Variants in RNLS observed in about 807,000 individuals in gnomAD.
RNLS encodes the protein renalase.
In RNLS, 39 loss-of-function variants were observed where a neutral mutation model predicts 39.8. That is an observed-to-expected ratio of 0.98 (90% CI 0.76 to 1.28). The LOEUF is 1.28. Among genes scored for constraint, RNLS ranks in the 50% most tolerant of loss-of-function variants. The pLI is 0.00. For missense variants in RNLS, 410 were observed against 413.3 expected, an observed-to-expected ratio of 0.99 and a Z score of 0.07; for synonymous variants, 147 against 150.7, an observed-to-expected ratio of 0.98 and a Z score of 0.18.
chr10:88,451,108 G>A (rs1050331819), intron 4 of RNLS, among the ~76,000 whole-genome samples: 10 of 152,188 alleles, frequency 6.6e-5, no homozygotes, highest in South Asian at 6.2e-4. Flanking sequence ...GAAGGTCCTT[G>A]GGTGCAAAGA....
At chr10:88,238,149 A>G in the RNLS span, among the ~76,000 whole-genome samples, 1 of 152,376 alleles carries the variant, frequency 6.6e-6, no homozygotes, top group East Asian at 1.9e-4. Context: ...TTCCTTGAAT[A>G]TCTGCTTTGT....
intron 3 of RNLS, among the ~76,000 whole-genome samples, chr10:88,580,754 T>C (rs1051431772): frequency 6.6e-5 from 10 of 152,168 alleles, no homozygotes; most frequent in African/African-American, 2.4e-4. Flanking sequence ...CATAAACTCA[T>C]TTGTAATTAA....
At position 88,454,095 on chromosome 10, in the gene RNLS, A is replaced by G. The variant is rs181655579; in HGVS notation, c.527-91370T>C. Among the ~76,000 whole-genome samples the G allele has an allele frequency of 7.4e-4, 112 of 152,290 alleles. 1 individual carries two copies. The highest frequency in any genetic ancestry group is 7.0e-3 in the South Asian group (34 of 4,832). On this transcript the variant is annotated intron_variant, in intron 4 of 6. Coordinates refer to ENST00000331772, the MANE Select transcript of RNLS (RefSeq NM_001031709.3). Reference sequence around the variant, plus strand: ...AGAAGAGAAGATAGCTTATCACAGAACCCTGAGAAATACCAACACTTATGG... The same window carrying G: ...AGAAGAGAAGATAGCTTATCACAGAGCCCTGAGAAATACCAACACTTATGG...
rs183866015 is a variant in RNLS, at chr10:88,445,041, C to T, written c.527-82316G>A. Among the ~76,000 whole-genome samples, 351 of 151,960 alleles carry T rather than the reference C, an allele frequency of 2.3e-3. 2 individuals are homozygous for T. The highest frequency in any genetic ancestry group is 7.5e-3 in the African/African-American group (313 of 41,478). On this transcript the variant is annotated intron_variant, in intron 4 of 6. Coordinates refer to ENST00000331772, the MANE Select transcript of RNLS (RefSeq NM_001031709.3). Reference sequence around the variant, plus strand: ...TCAGATTCACCAAAGTTGAAATGACCGAAAAAATGTTAAGGGCAGCCACAG... The same window carrying T: ...TCAGATTCACCAAAGTTGAAATGACTGAAAAAATGTTAAGGGCAGCCACAG...
At chr10:88,484,409 C>A (rs1844373075) in intron 4 of RNLS, among the ~76,000 whole-genome samples, 1 of 152,010 alleles carries the variant, frequency 6.6e-6, no homozygotes, top group Non-Finnish European at 1.5e-5. Flanking sequence ...TACTTTCCCA[C>A]TATTATCAAT....
the RNLS span, among the ~76,000 whole-genome samples, chr10:88,208,845 T>A: frequency 6.6e-6 from 1 of 152,156 alleles, no homozygotes; most frequent in African/African-American, 2.4e-5. Flanking sequence ...ACTTTCATTG[T>A]TATTATTATT....
At chr10:88,385,775 C>T (rs1851825855) in intron 4 of RNLS, among the ~76,000 whole-genome samples, 1 of 152,164 alleles carries the variant, frequency 6.6e-6, no homozygotes, top group Non-Finnish European at 1.5e-5. Flanking sequence ...GGTGCCCCTG[C>T]CACGCCCTGC....
chr10:88,242,072 T>C, the RNLS span, among the ~76,000 whole-genome samples: 2 of 152,210 alleles, frequency 1.3e-5, no homozygotes, highest in Non-Finnish European at 2.9e-5. Context: ...TCTGTATTCC[T>C]AGAACTTTTA....
At chr10:88,449,391 A>G (rs1842237362) in intron 4 of RNLS, among the ~76,000 whole-genome samples, 1 of 152,236 alleles carries the variant, frequency 6.6e-6, no homozygotes, top group East Asian at 1.9e-4. Flanking sequence ...CACGTGTTTA[A>G]TTAGCTGAAC....
chr10:88,555,797 T>A (rs932478139), intron 4 of RNLS, among the ~76,000 whole-genome samples: 1 of 152,134 alleles, frequency 6.6e-6, no homozygotes, highest in Non-Finnish European at 1.5e-5. Context: ...TGGGACAACA[T>A]ACATGTTTGG....
At chr10:88,324,630 G>A (rs1846444863) in intron 5 of RNLS, among the ~76,000 whole-genome samples, 1 of 152,062 alleles carries the variant, frequency 6.6e-6, no homozygotes, top group Admixed American at 6.6e-5. Context: ...CAATATTTGG[G>A]TAATGGGTTT....
chr10:88,179,998 GC>G, the RNLS span, among the ~76,000 whole-genome samples: 1 of 152,162 alleles, frequency 6.6e-6, no homozygotes, highest in South Asian at 2.1e-4. Flanking sequence ...AGTCAATTTG[GC>G]ACCAACAGAA....
intron 4 of RNLS, among the ~76,000 whole-genome samples, chr10:88,388,894 G>A (rs1852025153): frequency 6.6e-6 from 1 of 152,130 alleles, no homozygotes; most frequent in African/African-American, 2.4e-5. Context: ...GAATGAATAA[G>A]TGAATAAATA....
At chr10:88,216,813 T>C in the RNLS span, among the ~76,000 whole-genome samples, 5 of 152,222 alleles carry the variant, frequency 3.3e-5, no homozygotes, top group African/African-American at 1.2e-4. Context: ...TTTAGCATAC[T>C]TTCTCCACAA....
chr10:88,208,702 C>T, the RNLS span, among the ~76,000 whole-genome samples: 1 of 152,110 alleles, frequency 6.6e-6, no homozygotes, highest in Non-Finnish European at 1.5e-5. Context: ...ATAAATGCTG[C>T]TTATCTACAG....
intron 4 of RNLS, among the ~76,000 whole-genome samples, chr10:88,491,245 A>G (rs1844861069): frequency 6.6e-6 from 1 of 152,164 alleles, no homozygotes; most frequent in Admixed American, 6.6e-5. Context: ...ACTGATTGCA[A>G]AACATACTGA....
intron 4 of RNLS, among the ~76,000 whole-genome samples, chr10:88,514,704 T>A (rs1308471634): frequency 6.6e-6 from 1 of 152,132 alleles, no homozygotes; most frequent in African/African-American, 2.4e-5. Flanking sequence ...CTTAGTATAA[T>A]GTCCTTCAGG....
intron 5 of RNLS, among the ~76,000 whole-genome samples, chr10:88,341,260 C>G (rs1847935286): frequency 7.0e-6 from 1 of 141,858 alleles, no homozygotes; most frequent in South Asian, 2.2e-4. Flanking sequence ...ACCTGGAAAG[C>G]AGAGGTTGCG....
chr10:88,355,606 G>T (rs541965281), intron 5 of RNLS, among the ~76,000 whole-genome samples: 4 of 152,258 alleles, frequency 2.6e-5, no homozygotes, highest in African/African-American at 9.6e-5. Flanking sequence ...GCCGTGTGAC[G>T]TGTCAGTCTG....
Sources: gnomAD v4.1 joint callset for allele counts (sites outside exome capture counted in the v4.1 genomes callset) on GRCh38, gnomAD v4.1.1 for gene constraint, MANE v1.5 for transcripts, NCBI Gene and HGNC (gene_info 2026-07-23, HGNC 2026-07-21) for gene names.